The following CDH13 variants were observed in gnomAD, a reference collection of about 807,000 sequenced individuals.
CDH13 encodes the protein cadherin 13.
A neutral mutation model predicts 63.8 loss-of-function variants in CDH13; 24 were observed. The observed-to-expected ratio is 0.38, with a 90% CI of 0.27 to 0.53. CDH13 has a LOEUF of 0.53. Among genes scored for constraint, CDH13 ranks in the 20% least tolerant of loss-of-function variants. The pLI is 0.85. For missense variants in CDH13, 1,049 were observed against 903.1 expected (o/e 1.16, Z -2.07); for synonymous variants, 503 against 355.3 (o/e 1.42, Z -4.67).
chr16:83,446,630 C>T (rs2072696116), intron 6 of CDH13, among the ~76,000 whole-genome samples: 1 of 152,142 alleles, frequency 6.6e-6, no homozygotes, highest in South Asian at 2.1e-4. Context: ...ATTTCTCCAT[C>T]TCCTCTCTTT....
At chr16:83,544,838 T>C (rs1036125800) in intron 7 of CDH13, among the ~76,000 whole-genome samples, 3 of 152,190 alleles carry the variant, frequency 2.0e-5, no homozygotes, top group African/African-American at 7.2e-5. Context: ...TCTACTAGGA[T>C]TAAAAGATAC....
At chr16:82,821,875 G>C (rs1189964449) in intron 1 of CDH13, among the ~76,000 whole-genome samples, 1 of 152,194 alleles carries the variant, frequency 6.6e-6, no homozygotes, top group Admixed American at 6.5e-5. Flanking sequence ...AGGAATGTAT[G>C]GTCCCCTTGG....
At chr16:83,039,683 A>G (rs1174648001) in intron 3 of CDH13, among the ~76,000 whole-genome samples, 1 of 152,028 alleles carries the variant, frequency 6.6e-6, no homozygotes, top group Non-Finnish European at 1.5e-5. Flanking sequence ...CAGAGTATTC[A>G]GTGGATGCCT....
chr16:82,894,306 A>G (rs1330151665), intron 2 of CDH13, among the ~76,000 whole-genome samples: 3 of 152,224 alleles, frequency 2.0e-5, no homozygotes, highest in Non-Finnish European at 4.4e-5. Context: ...AACAGAGTTC[A>G]GGCCCCAAGG....
At chr16:83,537,663 A>C (rs552917476) in intron 7 of CDH13, among the ~76,000 whole-genome samples, 1 of 152,332 alleles carries the variant, frequency 6.6e-6, no homozygotes, top group African/African-American at 2.4e-5. Context: ...AAAGTGTTGC[A>C]AAGAATAGCT....
intron 4 of CDH13, among the ~76,000 whole-genome samples, chr16:83,199,562 C>T (rs976824083): frequency 3.3e-5 from 5 of 152,218 alleles, no homozygotes; most frequent in African/African-American, 7.2e-5. Flanking sequence ...TAGCACAGTA[C>T]GTGGCCTGCA....
intron 8 of CDH13, among the ~76,000 whole-genome samples, chr16:83,625,446 C>T (rs1396563281): frequency 6.6e-6 from 1 of 152,180 alleles, no homozygotes; most frequent in Non-Finnish European, 1.5e-5. Context: ...TCTTCATCCT[C>T]CTTCCACATG....
rs556776560 is a variant in CDH13 at position 82,628,550 on chromosome 16, G to A, written c.45+1413G>A. Reference sequence around the variant, plus strand: ...AGTACCAGGGGAGATTCAAGTGCCCGGCTGCTGAGCCCGCTCCCAAGCTCC... The same window carrying A: ...AGTACCAGGGGAGATTCAAGTGCCCAGCTGCTGAGCCCGCTCCCAAGCTCC... On this transcript the variant is annotated intron_variant, in intron 1 of 13. Coordinates refer to ENST00000567109, the MANE Select transcript of CDH13 (RefSeq NM_001257.5). Among the ~76,000 whole-genome samples the A allele has an allele frequency of 2.0e-4, 30 of 152,236 alleles. No individual in the cohort carries two copies. The South Asian group carries it at 5.0e-3, about 25-fold the overall frequency.
At chr16:83,438,836 G>T (rs1598021858) in intron 6 of CDH13, among the ~76,000 whole-genome samples, 2 of 152,312 alleles carry the variant, frequency 1.3e-5, no homozygotes, top group South Asian at 4.1e-4. Context: ...GACATTGAAA[G>T]AACAGAACAA....
chr16:83,356,994 G>A (rs559204311), intron 6 of CDH13, among the ~76,000 whole-genome samples: 2 of 152,094 alleles, frequency 1.3e-5, no homozygotes, highest in Non-Finnish European at 2.9e-5. Context: ...TTTCTTTAGT[G>A]TGTCACCATC....
In CDH13 at chr16:82,669,485, T is replaced by C. The variant is rs138151960; in HGVS notation, c.45+42348T>C. On this transcript the variant is annotated intron_variant, in intron 1 of 13. Coordinates refer to ENST00000567109, the MANE Select transcript of CDH13 (RefSeq NM_001257.5). The stretch of plus-strand genomic sequence containing the variant: ...GTGACACATTCTAGTACGGACTTAA[T>C]TGTAATTCTGATAACATTACTTGTA... 5.3e-5 allele frequency among the ~76,000 whole-genome samples: 8 copies of C among 152,370 alleles called. No homozygotes were observed. In the East Asian group the frequency reaches 1.3e-3, roughly 26 times the overall value.
chr16:82,969,938 T>G (rs1002836632), intron 2 of CDH13, among the ~76,000 whole-genome samples: 1 of 151,222 alleles, frequency 6.6e-6, no homozygotes, highest in South Asian at 2.1e-4. Flanking sequence ...TTAGTATTTC[T>G]CTTTTTTTTT....
intron 5 of CDH13, among the ~76,000 whole-genome samples, chr16:83,329,318 T>C (rs1429457885): frequency 1.3e-5 from 2 of 152,132 alleles, no homozygotes; most frequent in Admixed American, 6.5e-5. Flanking sequence ...CTCTGCTTGC[T>C]AGGTTCAAGT....
intron 5 of CDH13, among the ~76,000 whole-genome samples, chr16:83,238,795 C>T (rs77299650): frequency 0.038 from 5,786 of 152,092 alleles, 139 homozygotes; most frequent in Middle Eastern, 0.065. Context: ...TGTTGAATGC[C>T]TTCTTTTTCA....
At chr16:82,751,949 G>T (rs1320399605) in intron 1 of CDH13, among the ~76,000 whole-genome samples, 1 of 152,184 alleles carries the variant, frequency 6.6e-6, no homozygotes, top group Admixed American at 6.5e-5. Context: ...TTTATCGGTT[G>T]TATCTGTCTT....
At chr16:83,631,328 G>A (rs1017763414) in intron 8 of CDH13, among the ~76,000 whole-genome samples, 1 of 149,090 alleles carries the variant, frequency 6.7e-6, no homozygotes, top group Admixed American at 6.8e-5. Context: ...TGGGTTTGGG[G>A]CTTTAATCAG....
At chr16:83,137,459 G>T (rs931316220) in intron 4 of CDH13, among the ~76,000 whole-genome samples, 3 of 152,234 alleles carry the variant, frequency 2.0e-5, no homozygotes, top group Non-Finnish European at 2.9e-5. Context: ...CGCTGAGTCA[G>T]GGCCGGAGGT....
chr16:83,282,446 G>C (rs537004918), intron 5 of CDH13, among the ~76,000 whole-genome samples: 1 of 152,316 alleles, frequency 6.6e-6, no homozygotes, highest in South Asian at 2.1e-4. Context: ...CTGTGAATAG[G>C]AGAAGCTAAA....
In CDH13 at chr16:83,359,355, A is replaced by G. The variant is rs74034184; in HGVS notation, c.781+14349A>G. ...CTGTGAAGGTTCTGTGAGCAAGTAG[A>G]TATCAGGCTTTGAGCACCATGACCA... On this transcript the variant is annotated intron_variant, in intron 6 of 13. Transcript: ENST00000567109. Among the ~76,000 whole-genome samples the G allele has an allele frequency of 9.3e-3, 1,423 of 152,292 alleles. 21 individuals carry two copies. The highest frequency in any genetic ancestry group is 0.033 in the African/African-American group (1,375 of 41,566).
Sources: gnomAD v4.1 joint callset for allele counts (sites outside exome capture counted in the v4.1 genomes callset) on GRCh38, gnomAD v4.1.1 for gene constraint, MANE v1.5 for transcripts, NCBI Gene and HGNC (gene_info 2026-07-23, HGNC 2026-07-21) for gene names.